Variants in RELCH observed in about 807,000 individuals in gnomAD.
The protein encoded by RELCH is RAB11 binding and LisH domain, coiled-coil and HEAT repeat containing.
In RELCH, 41 loss-of-function variants were observed where a neutral mutation model predicts 150.3. The observed-to-expected ratio is 0.27, with a 90% CI of 0.21 to 0.35. The LOEUF (loss-of-function observed/expected upper bound fraction) is 0.35. Among genes scored for constraint, RELCH ranks in the 10% least tolerant of loss-of-function variants. The probability of loss-of-function intolerance (pLI) is 1.00; values close to 1 mark genes in which losing one functional copy is unlikely to be tolerated. For synonymous variants in RELCH, 478 were observed against 531.8 expected (o/e 0.90, Z 1.39); for missense variants, 1,092 against 1,467.8 (o/e 0.74, Z 4.18).
At chr18:62,211,334 A>G in intron 2 of RELCH, 92 bp downstream of exon 2, 1 of 754,192 alleles carries the variant, frequency 1.3e-6, no homozygotes, top group South Asian at 1.6e-5. Context: ...ACAGTTTGGT[A>G]TGTGACTATA....
Position 62,305,713 on chromosome 18 carries a change from G to T in RELCH, c.*179G>T, listed in dbSNP as rs764659281. On this transcript the variant is annotated 3_prime_UTR_variant, in exon 29 of 29. Coordinates refer to ENST00000644646, the MANE Select transcript of RELCH (RefSeq NM_001346231.2). This position sits in a 1 kb window ranked among gnomAD's most constrained non-coding sequence, Gnocchi z 4.0. ...TACTGCTGTATATTTGTTGATTTTGGAGTTACAACTGTGGTGATAGAAAAT... is the reference window on the plus strand; with the variant it reads ...TACTGCTGTATATTTGTTGATTTTGTAGTTACAACTGTGGTGATAGAAAAT... The T allele has an allele frequency of 1.0e-4, 53 of 512,740 alleles. No individual in the cohort carries two copies. The highest frequency in any genetic ancestry group is 1.5e-4 in the Non-Finnish European group (48 of 328,632). 31.8% of individuals were successfully genotyped at this position (512,740 alleles called of 1,614,324 possible).
intron 1 of RELCH, among the ~76,000 whole-genome samples, chr18:62,208,585 G>T (rs1223974552): frequency 6.6e-6 from 1 of 152,056 alleles, no homozygotes. Flanking sequence ...GGGATTTGTT[G>T]TACAGATTAA....
At position 62,232,326 on chromosome 18, in the gene RELCH, T is replaced by A; in HGVS notation, c.1525-6T>A. On this transcript the variant is annotated splice_region_variant and splice_polypyrimidine_tract_variant and intron_variant, in intron 9 of 28. Transcript: ENST00000644646. ...ATCATTGTTTATTAATTCTTTGGTTTTCTAGGTGTCTCGTATTGCAGACAG... is the reference window on the plus strand; with the variant it reads ...ATCATTGTTTATTAATTCTTTGGTTATCTAGGTGTCTCGTATTGCAGACAG... 6.3e-7 allele frequency: 1 copy of A among 1,591,370 alleles called. No individual in the cohort carries two copies. Among genetic ancestry groups the A allele is most frequent in the Non-Finnish European group, 8.6e-7 (1 of 1,160,334 alleles).
intron 1 of RELCH, among the ~76,000 whole-genome samples, chr18:62,200,482 C>T (rs933785078): frequency 6.6e-6 from 1 of 151,860 alleles, no homozygotes; most frequent in Non-Finnish European, 1.5e-5. Context: ...AAAATTAGCC[C>T]CATCTTTGGA....
chr18:62,240,012 G>A (rs1435237599), intron 10 of RELCH, among the ~76,000 whole-genome samples: 2 of 151,578 alleles, frequency 1.3e-5, no homozygotes, highest in Admixed American at 1.3e-4. Flanking sequence ...GACAATTAGG[G>A]TACTGATAAG....
intron 2 of RELCH, among the ~76,000 whole-genome samples, chr18:62,213,271 C>G (rs2148324714): frequency 6.6e-6 from 1 of 152,018 alleles, no homozygotes; most frequent in South Asian, 2.1e-4. Flanking sequence ...AACTCCTACC[C>G]AGAAGTTATC....
At chr18:62,237,342 C>A (rs1419808474) in intron 10 of RELCH, among the ~76,000 whole-genome samples, 1 of 151,616 alleles carries the variant, frequency 6.6e-6, no homozygotes, top group Admixed American at 6.6e-5. Context: ...CCTTATTGAT[C>A]TTCTGTCTAG....
chr18:62,267,484 A>G (rs368503511), intron 19 of RELCH, among the ~76,000 whole-genome samples: 65 of 135,806 alleles, frequency 4.8e-4, no homozygotes, highest in African/African-American at 1.1e-3. Context: ...CTAGGTATAT[A>G]TGTGTGTGTG....
intron 1 of RELCH, among the ~76,000 whole-genome samples, chr18:62,198,742 A>C (rs1356138874): frequency 6.6e-6 from 1 of 152,160 alleles, no homozygotes; most frequent in Non-Finnish European, 1.5e-5. Context: ...AAGCCTTTTA[A>C]ATAAAATTGC....
intron 22 of RELCH, among the ~76,000 whole-genome samples, chr18:62,275,993 G>T (rs1202323847): frequency 6.6e-6 from 1 of 152,146 alleles, no homozygotes; most frequent in East Asian, 1.9e-4. Context: ...AAAGAGAGGA[G>T]ACCAGGTAAT....
At chr18:62,218,610 A>G (rs1317815859) in intron 2 of RELCH, among the ~76,000 whole-genome samples, 1 of 151,974 alleles carries the variant, frequency 6.6e-6, no homozygotes, top group African/African-American at 2.4e-5. Context: ...AACTGTTTCA[A>G]CTAATCTGGA....
intron 20 of RELCH, among the ~76,000 whole-genome samples, chr18:62,273,696 T>C (rs1261736632): frequency 6.6e-6 from 1 of 152,172 alleles, no homozygotes; most frequent in African/African-American, 2.4e-5. Context: ...ACTGAATCTT[T>C]CACTTTACAT....
intron 2 of RELCH, among the ~76,000 whole-genome samples, chr18:62,217,679 A>T (rs1475988827): frequency 2.0e-5 from 3 of 151,998 alleles, no homozygotes; most frequent in African/African-American, 7.2e-5. Flanking sequence ...AAGATTTTTT[A>T]AATTTCGGAG....
intron 5 of RELCH, among the ~76,000 whole-genome samples, chr18:62,227,024 CA>C (rs869058786): frequency 1.7e-4 from 26 of 151,102 alleles, no homozygotes; most frequent in Admixed American, 1.6e-3. Flanking sequence ...CCCATCTCTA[CA>C]AAAAAAAATT....
intron 22 of RELCH, chr18:62,278,101 T>C (rs2044313045): frequency 6.6e-6 from 1 of 152,470 alleles, no homozygotes; most frequent in Non-Finnish European, 1.5e-5. Context: ...AATTGATAGC[T>C]CTTAAATGTA....
At chr18:62,213,137 TTAAA>T (rs1462743971) in intron 2 of RELCH, among the ~76,000 whole-genome samples, 9 of 152,254 alleles carry the variant, frequency 5.9e-5, no homozygotes, top group African/African-American at 1.9e-4. Context: ...GTATCACTCA[TTAAA>T]TAGCACTTGT....
chr18:62,256,211 C>A (rs1006519261), intron 13 of RELCH, among the ~76,000 whole-genome samples: 2 of 151,938 alleles, frequency 1.3e-5, no homozygotes, highest in Admixed American at 6.6e-5. Context: ...GAAACACTTA[C>A]AGTCAAACTG....
chr18:62,187,754 G>T lies in RELCH; in HGVS notation c.249G>T (p.Gly83=). 3 of 1,611,800 alleles carry T rather than the reference G, an allele frequency of 1.9e-6. No homozygotes were observed. Among genetic ancestry groups the T allele is most frequent in the Non-Finnish European group, 2.5e-6 (3 of 1,178,898 alleles). The change falls in exon 1 of 29, where the codon GGG becomes GGT. Residue 83 remains glycine, a synonymous_variant. Coordinates refer to ENST00000644646, the MANE Select transcript of RELCH (RefSeq NM_001346231.2). ...CGTCGGCGGCTGCAGTGGCCCTGGGGGGCACCGGGGAGACCCCGGCCCGAT... is the reference window on the plus strand; with the variant it reads ...CGTCGGCGGCTGCAGTGGCCCTGGGTGGCACCGGGGAGACCCCGGCCCGAT... ...GEASAAAVAL[G]GTGETPARLS... is the part of the protein sequence containing the mutation.
intron 12 of RELCH, among the ~76,000 whole-genome samples, chr18:62,252,956 G>C (rs2042801580): frequency 6.6e-6 from 1 of 152,156 alleles, no homozygotes; most frequent in African/African-American, 2.4e-5. Context: ...AAGTACTTAT[G>C]AAACACTAAT....
Sources: gnomAD v4.1 joint callset for allele counts (sites outside exome capture counted in the v4.1 genomes callset) on GRCh38, gnomAD v4.1.1 for gene constraint, Gnocchi (gnomAD v3.1) non-coding constraint, MANE v1.5 for transcripts, NCBI Gene and HGNC (gene_info 2026-07-23, HGNC 2026-07-21) for gene names.